DDX4: variants seen among roughly 807,000 people sequenced by gnomAD.
DDX4 encodes probable ATP-dependent RNA helicase DDX4.
DDX4 carries 25 observed loss-of-function variants against 100.0 expected under a neutral mutation model. The observed-to-expected ratio is 0.25, with a 90% CI of 0.18 to 0.35. The LOEUF is 0.35. Among genes scored for constraint, DDX4 ranks in the 10% least tolerant of loss-of-function variants. DDX4 has a pLI of 1.00. For missense variants in DDX4, 635 were observed against 882.4 expected, an observed-to-expected ratio of 0.72 and a Z score of 3.55; for synonymous variants, 259 against 275.7, an observed-to-expected ratio of 0.94 and a Z score of 0.60.
intron 17 of DDX4, among the ~76,000 whole-genome samples, chr5:55,793,512 A>G (rs1742725043): frequency 6.6e-6 from 1 of 152,228 alleles, no homozygotes; most frequent in African/African-American, 2.4e-5. Context: ...GTTGGGAACC[A>G]TCTGTAATTC....
At chr5:55,754,926 A>G (rs1759831598) in intron 3 of DDX4, among the ~76,000 whole-genome samples, 1 of 152,138 alleles carries the variant, frequency 6.6e-6, no homozygotes, top group Admixed American at 6.5e-5. Context: ...CAAGGAATTT[A>G]TCCATTTCTT....
intron 3 of DDX4, among the ~76,000 whole-genome samples, chr5:55,751,580 G>A (rs544613041): frequency 6.6e-6 from 1 of 152,274 alleles, no homozygotes; most frequent in East Asian, 1.9e-4. Context: ...TCATATACAT[G>A]TTGTTATTCT....
At chr5:55,770,517 T>C (rs926662430) in intron 7 of DDX4, among the ~76,000 whole-genome samples, 4 of 152,192 alleles carry the variant, frequency 2.6e-5, no homozygotes, top group African/African-American at 9.6e-5. Flanking sequence ...ATGAAGAATA[T>C]AGTGAACTTA....
chr5:55,767,875 T>A lies in DDX4; in HGVS notation c.335-6T>A, dbSNP rs1477057234. The A allele has an allele frequency of 6.2e-7, 1 of 1,609,540 alleles. No homozygotes were observed. Among genetic ancestry groups the A allele is most frequent in the Non-Finnish European group, 8.5e-7 (1 of 1,177,396 alleles). On this transcript the variant is annotated splice_polypyrimidine_tract_variant and splice_region_variant and intron_variant, in intron 6 of 21. Coordinates refer to ENST00000505374, the MANE Select transcript of DDX4 (RefSeq NM_024415.3). ...ATGCTATTTACATGTTAAATTTTTA[T>A]TGAAGAGTCTAGTAATGACTGCGAA...
chr5:55,782,271 A>C (rs761350380), intron 10 of DDX4: 2 of 287,636 alleles, frequency 7.0e-6, no homozygotes, highest in Non-Finnish European at 1.3e-5. Flanking sequence ...TGTCATTTAT[A>C]ATAAGTAAAA....
chr5:55,752,632 C>T (rs1026421812), intron 3 of DDX4, among the ~76,000 whole-genome samples: 10 of 147,692 alleles, frequency 6.8e-5, no homozygotes, highest in Non-Finnish European at 1.0e-4. Flanking sequence ...TGAGTAATGC[C>T]GCAATAAACA....
intron 17 of DDX4, among the ~76,000 whole-genome samples, chr5:55,795,114 T>C (rs1403203053): frequency 6.6e-6 from 1 of 152,008 alleles, no homozygotes; most frequent in South Asian, 2.1e-4. Context: ...TACAGGCATG[T>C]ACCACCACGT....
intron 6 of DDX4, among the ~76,000 whole-genome samples, chr5:55,765,381 G>T (rs1295973701): frequency 2.8e-4 from 22 of 77,624 alleles, no homozygotes; most frequent in Admixed American, 5.4e-4. Flanking sequence ...TTCTTTTTTC[G>T]TTTTTAGTTC....
intron 7 of DDX4, among the ~76,000 whole-genome samples, chr5:55,774,334 T>C (rs1741434538): frequency 6.6e-6 from 1 of 151,998 alleles, no homozygotes; most frequent in Non-Finnish European, 1.5e-5. Context: ...TTATTTTTTG[T>C]AGGGATGGGG....
At position 55,785,465 on chromosome 5, in the gene DDX4, CAGA is replaced by C. The variant is rs759732020; in HGVS notation, c.695_697del (p.Glu232del). On this transcript the variant is annotated inframe_deletion, in exon 12 of 22. Transcript: ENST00000505374. ...CTTCAAGATTCTTGGAAGTCAGAAGCAGAAGGAGGAGAAAGTAGTGATACTCAA... is the reference window on the plus strand; with the variant it reads ...CTTCAAGATTCTTGGAAGTCAGAAGCAGGAGGAGAAAGTAGTGATACTCAA... 7 of 1,608,184 alleles carry C rather than the reference CAGA, an allele frequency of 4.4e-6. No homozygotes were observed. Among genetic ancestry groups the C allele is most frequent in the Non-Finnish European group, 6.0e-6 (7 of 1,176,322 alleles).
intron 9 of DDX4, 53 bp from the exon 10 acceptor site, chr5:55,781,881 C>A (rs1741933629): frequency 1.3e-6 from 2 of 1,593,832 alleles, no homozygotes; most frequent in African/African-American, 2.7e-5. Context: ...GGTTTGTGTG[C>A]TTGAGCAGCA....
intron 18 of DDX4, among the ~76,000 whole-genome samples, chr5:55,805,807 C>T (rs1031467591): frequency 9.9e-5 from 15 of 152,088 alleles, no homozygotes; most frequent in African/African-American, 2.2e-4. Context: ...TATCTCTGCC[C>T]GGCTTTGGTA....
chr5:55,746,068 A>G, intron 2 of DDX4, 96 bp from the exon 3 acceptor site: 1 of 944,952 alleles, frequency 1.1e-6, no homozygotes, highest in East Asian at 2.6e-5. Context: ...TGTTCTGAAC[A>G]AAGCTCAATT....
At chr5:55,760,150 A>G in intron 3 of DDX4, 50 bp from the exon 4 acceptor site, 1 of 1,546,784 alleles carries the variant, frequency 6.5e-7, no homozygotes, top group Non-Finnish European at 8.7e-7. Context: ...GTTTGCAAGT[A>G]CTAGATACTT....
At chr5:55,807,294 T>G (rs1328933998) in intron 18 of DDX4, among the ~76,000 whole-genome samples, 1 of 152,214 alleles carries the variant, frequency 6.6e-6, no homozygotes, top group Admixed American at 6.5e-5. Flanking sequence ...AGTCTTTGTC[T>G]TTTAATTGGA....
intron 18 of DDX4, among the ~76,000 whole-genome samples, chr5:55,798,890 T>C (rs999727799): frequency 6.6e-6 from 1 of 152,210 alleles, no homozygotes; most frequent in African/African-American, 2.4e-5. Flanking sequence ...CATCACACTA[T>C]TACTCCATCA....
At chr5:55,765,411 A>ATATATATATAT (rs1285869924) in intron 6 of DDX4, among the ~76,000 whole-genome samples, 102 of 100,094 alleles carry the variant, frequency 1.0e-3, no homozygotes, top group Admixed American at 2.6e-3. Context: ...AAAAAAAAAA[A>ATATATATATAT]AAATATATAT....
intron 2 of DDX4, among the ~76,000 whole-genome samples, chr5:55,745,289 A>C (rs1036849248): frequency 1.3e-5 from 2 of 152,196 alleles, no homozygotes; most frequent in Non-Finnish European, 2.9e-5. Context: ...GATTAGTGTT[A>C]AATCACTAAT....
At chr5:55,783,225 A>T (rs1199995802) in intron 10 of DDX4, among the ~76,000 whole-genome samples, 1 of 152,166 alleles carries the variant, frequency 6.6e-6, no homozygotes, top group Non-Finnish European at 1.5e-5. Flanking sequence ...GAGAGAATTC[A>T]GAGTGACATT....
Sources: allele counts gnomAD v4.1 joint callset (sites outside exome capture counted in the v4.1 genomes callset), GRCh38; gene constraint gnomAD v4.1.1; transcripts MANE v1.5; gene names NCBI Gene and HGNC (gene_info 2026-07-23, HGNC 2026-07-21).